The following TENT4B variants were observed in gnomAD, a reference collection of about 807,000 sequenced individuals.
TENT4B encodes the protein PAP associated domain containing 5.
Under a neutral mutation model 75.0 loss-of-function variants are expected in TENT4B, and 10 were observed. The observed-to-expected ratio is 0.13, with a 90% CI of 0.08 to 0.23. The LOEUF is 0.23. Among genes scored for constraint, TENT4B ranks in the 10% least tolerant of loss-of-function variants. The probability of loss-of-function intolerance (pLI) is 1.00; values close to 1 mark genes in which losing one functional copy is unlikely to be tolerated. For synonymous variants in TENT4B, 350 were observed against 357.7 expected (o/e 0.98, Z 0.24); for missense variants, 579 against 893.8 (o/e 0.65, Z 4.49).
intron 2 of TENT4B, among the ~76,000 whole-genome samples, chr16:50,212,170 C>A (rs924500574): frequency 6.6e-6 from 1 of 152,168 alleles, no homozygotes; most frequent in African/African-American, 2.4e-5. Context: ...AGGTGATCCA[C>A]CTCAGCATCC....
intron 3 of TENT4B, among the ~76,000 whole-genome samples, chr16:50,214,946 C>A (rs1388453104): frequency 1.3e-5 from 2 of 152,304 alleles, no homozygotes; most frequent in East Asian, 3.9e-4. Flanking sequence ...CTTGCTCACT[C>A]ACTCTTACAC....
chr16:50,223,167 C>T lies in TENT4B; in HGVS notation c.1168-7C>T. 1 of 1,574,814 alleles carries T rather than the reference C, an allele frequency of 6.3e-7. No individual in the cohort carries two copies. The highest frequency in any genetic ancestry group is 8.6e-7 in the Non-Finnish European group (1 of 1,158,706). On this transcript the variant is annotated splice_polypyrimidine_tract_variant and splice_region_variant and intron_variant, in intron 6 of 11. Coordinates refer to ENST00000561678, the MANE Select transcript of TENT4B (RefSeq NM_001365324.3). ...ATCCAATATAATTTCTTCTTTTCTG[C>T]TTTTAGTTACATCCCAGGGAAGATG...
intron 1 of TENT4B, among the ~76,000 whole-genome samples, chr16:50,182,659 A>G (rs969490605): frequency 5.3e-5 from 8 of 152,118 alleles, no homozygotes; most frequent in Admixed American, 2.0e-4. Flanking sequence ...TTACTTAAGC[A>G]TTCTCTTATT....
At chr16:50,160,438 A>G (rs2037982636) in intron 1 of TENT4B, among the ~76,000 whole-genome samples, 1 of 152,182 alleles carries the variant, frequency 6.6e-6, no homozygotes, top group Admixed American at 6.5e-5. Flanking sequence ...ATTACAGGAA[A>G]GATAGGATGG....
At chr16:50,216,381 G>T (rs140753573) in intron 4 of TENT4B, among the ~76,000 whole-genome samples, 186 bp downstream of exon 4, 1 of 152,296 alleles carries the variant, frequency 6.6e-6, no homozygotes, top group Non-Finnish European at 1.5e-5. Context: ...TACAATCTCG[G>T]CTCACTACAA....
At chr16:50,185,224 T>TAG (rs1314063167) in intron 1 of TENT4B, among the ~76,000 whole-genome samples, 3 of 152,212 alleles carry the variant, frequency 2.0e-5, no homozygotes, top group Non-Finnish European at 4.4e-5. Flanking sequence ...CAACCAATCT[T>TAG]ACTGTGTATT....
chr16:50,193,016 A>T (rs948962058), intron 1 of TENT4B, among the ~76,000 whole-genome samples: 1 of 152,164 alleles, frequency 6.6e-6, no homozygotes, highest in East Asian at 1.9e-4. Context: ...TCAAGGCTAC[A>T]GTGGTTTGTG....
chr16:50,156,453 T>G (rs1185729252), intron 1 of TENT4B, among the ~76,000 whole-genome samples: 1 of 152,038 alleles, frequency 6.6e-6, no homozygotes, highest in Non-Finnish European at 1.5e-5. Flanking sequence ...CAAGCGATTC[T>G]GCTGCCTCAG....
chr16:50,176,944 A>C (rs1364072147), intron 1 of TENT4B, among the ~76,000 whole-genome samples: 1 of 151,652 alleles, frequency 6.6e-6, no homozygotes, highest in Non-Finnish European at 1.5e-5. Context: ...TGCTGGCCTC[A>C]TAGAATAGGT....
Position 50,154,046 on chromosome 16 carries a change from C to T in TENT4B, c.425C>T (p.Ser142Leu), listed in dbSNP as rs1390693869. 1.3e-6 allele frequency: 2 copies of T among 1,531,602 alleles called. No individual in the cohort carries two copies. Among genetic ancestry groups the T allele is most frequent in the Admixed American group, 2.0e-5 (1 of 50,296 alleles). The allele number at this position is 1,531,602 out of a possible 1,614,324, so 94.9% of individuals were successfully genotyped here. A position where few individuals can be genotyped will look rare whatever the true frequency, so the allele number is the denominator to read the frequency against. The change falls in exon 1 of 12, where the codon TCG becomes TTG. Residue 142 changes from serine to leucine, a missense_variant. This residue lies in a region of TENT4B where 253 missense variants were observed against 270.1 expected (regional missense o/e 0.94). Coordinates refer to ENST00000561678, the MANE Select transcript of TENT4B (RefSeq NM_001365324.3). ...TCGGCGTCCTCGTCCCCGCACCCTT[C>T]GGCCGCCGTCCCCGCCGCCGATCCA... The part of the protein sequence containing the change: ...PPSASSSPHP[S>L]AAVPAADPAD...
rs1006742038 is a variant in TENT4B, at chr16:50,214,202, A to G, written c.763-19A>G. The stretch of plus-strand genomic sequence containing the variant: ...CTTCTGATAACTCAATATAATAACA[A>G]CTTCTTTTTCTGTTTCAGGTCCAGA... On this transcript the variant is annotated intron_variant, in intron 2 of 11. Transcript: ENST00000561678. 27 of 1,546,148 alleles carry G rather than the reference A, an allele frequency of 1.7e-5. No individual in the cohort carries two copies. Among genetic ancestry groups the G allele is most frequent in the Non-Finnish European group, 2.4e-5 (27 of 1,126,414 alleles).
At chr16:50,158,731 A>G (rs1340620640) in intron 1 of TENT4B, among the ~76,000 whole-genome samples, 1 of 152,102 alleles carries the variant, frequency 6.6e-6, no homozygotes, top group Non-Finnish European at 1.5e-5. Context: ...GTTCAAAACA[A>G]TGTTTTGGAG....
Position 50,225,412 on chromosome 16 carries a change from T to C in TENT4B, c.1800+127T>C, listed in dbSNP as rs2150749294. 3 of 914,546 alleles carry C rather than the reference T, an allele frequency of 3.3e-6. No individual in the cohort carries two copies. The East Asian group carries it at 7.8e-5, about 24-fold the overall frequency. The allele number at this position is 914,546 out of a possible 1,614,324, so 56.7% of individuals were successfully genotyped here. A position where few individuals can be genotyped will look rare whatever the true frequency, so the allele number is the denominator to read the frequency against. ...TGTTACTGGGATATTTTAATAACTT[T>C]CATGCTTGTACATTTTCTCAACATT... On this transcript the variant is annotated intron_variant, in intron 10 of 11. Transcript: ENST00000561678.
At chr16:50,152,934 G>C (rs1394740110), upstream of TENT4B, 4 of 1,500,446 alleles carry the variant, frequency 2.7e-6, no homozygotes, top group Non-Finnish European at 3.5e-6. Flanking sequence ...CGCTCCCTGC[G>C]GGGCGGGCGG....
intron 1 of TENT4B, among the ~76,000 whole-genome samples, chr16:50,176,494 C>CTTTTTTTTTTT (rs34067223): frequency 1.9e-5 from 1 of 53,042 alleles, no homozygotes; most frequent in African/African-American, 8.7e-5. Context: ...ACCAATAATT[C>CTTTTTTTTTTT]TTTTTTTTTT....
chr16:50,169,468 A>G (rs564136824), intron 1 of TENT4B, among the ~76,000 whole-genome samples: 2 of 133,768 alleles, frequency 1.5e-5, no homozygotes, highest in East Asian at 4.5e-4. Flanking sequence ...CACATATCTT[A>G]ATGTCTTTTT....
chr16:50,215,706 C>T (rs887139683), intron 3 of TENT4B, among the ~76,000 whole-genome samples: 14 of 152,138 alleles, frequency 9.2e-5, no homozygotes, highest in African/African-American at 3.4e-4. Flanking sequence ...TAAAGCACTT[C>T]ATAATATTTC....
intron 1 of TENT4B, among the ~76,000 whole-genome samples, chr16:50,175,762 G>A (rs537018238): frequency 3.9e-5 from 6 of 151,962 alleles, no homozygotes; most frequent in Admixed American, 1.3e-4. Context: ...GAGCCACCAC[G>A]TCCGGCCAGT....
rs542644275 is a variant in TENT4B, at chr16:50,230,171, T to C, written c.*843T>C. ...TTTTGTGTAAACACTGAAAAATCTC[T>C]GGTCATCTCCGAGAATTAACTTGCA... On this transcript the variant is annotated 3_prime_UTR_variant, in exon 12 of 12. Coordinates refer to ENST00000561678, the MANE Select transcript of TENT4B (RefSeq NM_001365324.3). 6 of 985,236 alleles carry C rather than the reference T, an allele frequency of 6.1e-6. No homozygotes were observed. The allele number at this position is 985,236 out of a possible 1,614,324, so 61.0% of individuals were successfully genotyped here.
Sources: gnomAD v4.1 joint callset for allele counts (sites outside exome capture counted in the v4.1 genomes callset) on GRCh38, gnomAD v4.1.1 for gene constraint, gnomAD v4.1.1 regional missense constraint, MANE v1.5 for transcripts, NCBI Gene and HGNC (gene_info 2026-07-23, HGNC 2026-07-21) for gene names.